WDR41: variants seen among roughly 807,000 people sequenced by gnomAD.
WDR41 encodes WD repeat-containing protein 41.
WDR41 carries 63 observed loss-of-function variants against 69.3 expected under a neutral mutation model. The ratio of observed to expected loss-of-function variants is 0.91; its 90% CI spans 0.74 to 1.12. The LOEUF (loss-of-function observed/expected upper bound fraction) is 1.12. Among genes scored for constraint, WDR41 ranks in the 50% most tolerant of loss-of-function variants. The pLI, the probability that WDR41 is intolerant of heterozygous loss-of-function variation, is 0.00. For missense variants in WDR41, 543 were observed against 534.5 expected (o/e 1.02, Z -0.16); for synonymous variants, 185 against 192.1 (o/e 0.96, Z 0.31).
At chr5:77,612,209 A>T (rs890225250) in intron 1 of WDR41, among the ~76,000 whole-genome samples, 23 of 152,250 alleles carry the variant, frequency 1.5e-4, no homozygotes, top group Non-Finnish European at 1.9e-4. Flanking sequence ...ATTCTACCAG[A>T]GGTACAAGGA....
At chr5:77,479,526 A>G (rs1801125877) in intron 2 of WDR41, among the ~76,000 whole-genome samples, 1 of 152,212 alleles carries the variant, frequency 6.6e-6, no homozygotes, top group African/African-American at 2.4e-5. Flanking sequence ...CCGCATATCT[A>G]CAACTATCTG....
rs145918513 is a variant in WDR41, at chr5:77,618,787, G to A, written c.42+1692C>T. Among the ~76,000 whole-genome samples, 4 of 152,308 alleles carry A rather than the reference G, an allele frequency of 2.6e-5. No individual in the cohort carries two copies. In the South Asian group the frequency reaches 8.3e-4, roughly 32 times the overall value. On this transcript the variant is annotated intron_variant, in intron 1 of 5. Coordinates refer to the WDR41 transcript ENST00000509971. ...AGAAAAGCTATCTTTGAACATGTGA[G>A]GACCTGTCAAGCAATAAAGGTTGAA...
chr5:77,537,789 A>G (rs892659286), intron 1 of WDR41, among the ~76,000 whole-genome samples: 1 of 152,202 alleles, frequency 6.6e-6, no homozygotes, highest in Non-Finnish European at 1.5e-5. Context: ...TATAATTAAT[A>G]CACACTGCTT....
intron 2 of WDR41, among the ~76,000 whole-genome samples, chr5:77,476,528 TAAAGA>T (rs1391773794): frequency 3.3e-5 from 5 of 151,924 alleles, no homozygotes; most frequent in African/African-American, 1.2e-4. Context: ...TCAACATTCT[TAAAGA>T]AAAGAATTTT....
chr5:77,503,039 C>G (rs968420773), intron 1 of WDR41, among the ~76,000 whole-genome samples: 1 of 151,860 alleles, frequency 6.6e-6, no homozygotes, highest in Non-Finnish European at 1.5e-5. Context: ...TGTAAACAGG[C>G]CAAATGCCCA....
At chr5:77,434,689 G>C (rs931535167) in intron 12 of WDR41, among the ~76,000 whole-genome samples, 3 of 151,984 alleles carry the variant, frequency 2.0e-5, no homozygotes, top group African/African-American at 7.3e-5. Flanking sequence ...AGAGTGAGAT[G>C]CTGTCTCAAA....
intron 2 of WDR41, among the ~76,000 whole-genome samples, chr5:77,481,087 T>C (rs1801234878): frequency 1.3e-5 from 2 of 151,710 alleles, no homozygotes; most frequent in African/African-American, 4.8e-5. Flanking sequence ...AATGGCGTGA[T>C]CTCAGCTCAC....
At chr5:77,620,020 C>CAT (rs901371739) in intron 1 of WDR41, among the ~76,000 whole-genome samples, 11 of 151,854 alleles carry the variant, frequency 7.2e-5, no homozygotes, top group African/African-American at 1.7e-4. Flanking sequence ...AAGAAATAAG[C>CAT]ATATATATAT....
chr5:77,540,272 A>G (rs1240179822), intron 1 of WDR41, among the ~76,000 whole-genome samples: 2 of 152,232 alleles, frequency 1.3e-5, no homozygotes, highest in African/African-American at 4.8e-5. Context: ...CAGCAGAAGC[A>G]TGAACCCCAA....
At chr5:77,512,325 G>GGTGA (rs1263346989) in intron 1 of WDR41, among the ~76,000 whole-genome samples, 2 of 89,124 alleles carry the variant, frequency 2.2e-5, no homozygotes, top group African/African-American at 1.4e-4. Context: ...AATTACATGG[G>GGTGA]GTGAGTGAGA....
chr5:77,435,917 C>G (rs1287368701), intron 12 of WDR41, among the ~76,000 whole-genome samples: 2 of 152,202 alleles, frequency 1.3e-5, no homozygotes, highest in African/African-American at 4.8e-5. Context: ...AAGGCTTTAA[C>G]TGTATACACA....
intron 1 of WDR41, among the ~76,000 whole-genome samples, chr5:77,605,522 A>G (rs1343740531): frequency 6.6e-6 from 1 of 152,196 alleles, no homozygotes; most frequent in Non-Finnish European, 1.5e-5. Context: ...GCTTTGCTCT[A>G]CGGGACCAAA....
At chr5:77,484,490 A>AT (rs1801423106) in intron 2 of WDR41, among the ~76,000 whole-genome samples, 1 of 152,148 alleles carries the variant, frequency 6.6e-6, no homozygotes, top group Admixed American at 6.5e-5. Flanking sequence ...CACACTGGAT[A>AT]TAAGTGCTTT....
chr5:77,490,253 C>G (rs543233178), intron 1 of WDR41, among the ~76,000 whole-genome samples: 74 of 152,224 alleles, frequency 4.9e-4, no homozygotes, highest in African/African-American at 1.6e-3. Flanking sequence ...AGTAAGCCAC[C>G]GCGCCCAGCC....
intron 1 of WDR41, among the ~76,000 whole-genome samples, chr5:77,519,173 T>A (rs1001859410): frequency 4.6e-5 from 7 of 152,056 alleles, no homozygotes; most frequent in African/African-American, 1.4e-4. Flanking sequence ...TTTATTAGGG[T>A]ATTCTGCCTG....
intron 1 of WDR41, among the ~76,000 whole-genome samples, chr5:77,538,151 A>T (rs1225853059): frequency 6.6e-6 from 1 of 152,218 alleles, no homozygotes; most frequent in African/African-American, 2.4e-5. Flanking sequence ...CTCTATGTCC[A>T]TCTATACATA....
chr5:77,517,729 T>C (rs1291494083), intron 1 of WDR41, among the ~76,000 whole-genome samples: 1 of 151,316 alleles, frequency 6.6e-6, no homozygotes, highest in Non-Finnish European at 1.5e-5. Flanking sequence ...TAATGAGCTT[T>C]TAATTAAACA....
At chr5:77,475,357 C>T (rs1012621952) in intron 2 of WDR41, among the ~76,000 whole-genome samples, 5 of 152,224 alleles carry the variant, frequency 3.3e-5, no homozygotes, top group African/African-American at 1.2e-4. Flanking sequence ...TAGGCTCCAC[C>T]TCTGGGGGCA....
intron 1 of WDR41, among the ~76,000 whole-genome samples, chr5:77,497,974 G>C (rs1463600975): frequency 6.6e-6 from 1 of 152,142 alleles, no homozygotes; most frequent in Non-Finnish European, 1.5e-5. Context: ...CATATGTTAA[G>C]TGAAATAAAC....
Sources: gnomAD v4.1 joint callset for allele counts (sites outside exome capture counted in the v4.1 genomes callset) on GRCh38, gnomAD v4.1.1 for gene constraint, MANE v1.5 for transcripts, NCBI Gene and HGNC (gene_info 2026-07-23, HGNC 2026-07-21) for gene names.